Variants in NFIB observed in about 807,000 individuals in gnomAD.
NFIB encodes the protein nuclear factor 1 B-type.
Under a neutral mutation model 61.5 loss-of-function variants are expected in NFIB, and 11 were observed. The observed-to-expected ratio is 0.18, with a 90% CI of 0.11 to 0.30. The LOEUF (loss-of-function observed/expected upper bound fraction) is 0.30, where lower values mean the gene tolerates loss of function less well. Among genes scored for constraint, NFIB ranks in the 10% least tolerant of loss-of-function variants. The pLI, the probability that NFIB is intolerant of heterozygous loss-of-function variation, is 1.00. For synonymous variants in NFIB, 260 were observed against 216.5 expected, an observed-to-expected ratio of 1.20 and a Z score of -1.76; for missense variants, 471 against 608.9, an observed-to-expected ratio of 0.77 and a Z score of 2.38.
intron 2 of NFIB, among the ~76,000 whole-genome samples, chr9:14,295,270 T>G (rs1203467225): frequency 6.6e-6 from 1 of 152,218 alleles, no homozygotes; most frequent in African/African-American, 2.4e-5. Flanking sequence ...AAGGGTCATT[T>G]TTAAATATGA....
intron 10 of NFIB, among the ~76,000 whole-genome samples, chr9:14,089,247 G>A (rs1041221384): frequency 4.0e-5 from 6 of 151,898 alleles, no homozygotes; most frequent in Non-Finnish European, 8.8e-5. Flanking sequence ...CTGCACTTGA[G>A]GAGTTTGGAG....
chr9:14,371,547 G>T (rs190129037), intron 1 of NFIB, among the ~76,000 whole-genome samples: 63 of 152,284 alleles, frequency 4.1e-4, no homozygotes, highest in African/African-American at 1.3e-3. Context: ...AATAAAAAAG[G>T]TTGCAAATTG....
chr9:14,100,507 G>C (rs376693399), intron 10 of NFIB, among the ~76,000 whole-genome samples: 2 of 152,144 alleles, frequency 1.3e-5, no homozygotes, highest in African/African-American at 4.8e-5. Context: ...AGGAGATCGA[G>C]ACCATCCTGG....
At chr9:14,204,023 C>T (rs1236378518) in intron 2 of NFIB, among the ~76,000 whole-genome samples, 1 of 152,148 alleles carries the variant, frequency 6.6e-6, no homozygotes, top group East Asian at 1.9e-4. Context: ...TTCCCATTTG[C>T]AATGGCATGA....
chr9:14,433,115 A>C, the NFIB span, among the ~76,000 whole-genome samples: 15 of 152,264 alleles, frequency 9.9e-5, no homozygotes, highest in African/African-American at 7.2e-5. Context: ...TGGAGCAGTA[A>C]AACCTCATTA....
At chr9:14,294,399 T>C (rs16931533) in intron 2 of NFIB, among the ~76,000 whole-genome samples, 5,277 of 152,328 alleles carry the variant, frequency 0.035, 310 homozygotes, top group African/African-American at 0.12. Context: ...GAACATCAAC[T>C]TTAAATCATA....
intron 2 of NFIB, among the ~76,000 whole-genome samples, chr9:14,298,555 G>A (rs993927236): frequency 1.3e-5 from 2 of 152,092 alleles, no homozygotes; most frequent in Non-Finnish European, 2.9e-5. Flanking sequence ...AAGGAGGGCT[G>A]CAAATTTGTC....
the NFIB span, among the ~76,000 whole-genome samples, chr9:14,512,683 C>T: frequency 1.1e-5 from 1 of 88,002 alleles, no homozygotes; most frequent in Non-Finnish European, 2.8e-5. Context: ...GTCTTGTACT[C>T]TTATTTATAA....
At chr9:14,332,330 C>A (rs1425339315) in intron 1 of NFIB, among the ~76,000 whole-genome samples, 277 of 107,970 alleles carry the variant, frequency 2.6e-3, no homozygotes, top group South Asian at 3.2e-3. Context: ...GAGACTCCGT[C>A]AAAAAAAAAA....
At chr9:14,211,790 T>A (rs2050331977) in intron 2 of NFIB, among the ~76,000 whole-genome samples, 1 of 152,236 alleles carries the variant, frequency 6.6e-6, no homozygotes, top group African/African-American at 2.4e-5. Flanking sequence ...TTGAACAGTA[T>A]AGCATATTGT....
chr9:14,119,696 A>C (rs2038670578), intron 8 of NFIB, among the ~76,000 whole-genome samples: 1 of 152,192 alleles, frequency 6.6e-6, no homozygotes, highest in Non-Finnish European at 1.5e-5. Context: ...ATTACATTAC[A>C]TGTTTTAGAT....
chr9:14,412,799 A>G, the NFIB span, among the ~76,000 whole-genome samples: 1 of 152,190 alleles, frequency 6.6e-6, no homozygotes, highest in Non-Finnish European at 1.5e-5. Flanking sequence ...ACAAAGCAAA[A>G]GTAGGGGTGG....
At chr9:14,178,544 G>A (rs2046410305) in intron 3 of NFIB, among the ~76,000 whole-genome samples, 1 of 151,220 alleles carries the variant, frequency 6.6e-6, no homozygotes, top group African/African-American at 2.4e-5. Flanking sequence ...TATCTTTGAA[G>A]TGTATACTAC....
chr9:14,082,831 C>T lies in NFIB; in HGVS notation c.*5478G>A. The T allele has an allele frequency of 4.9e-6, 1 of 202,952 alleles. No homozygotes were observed. The highest frequency in any genetic ancestry group is 2.3e-5 in the African/African-American group (1 of 43,488). The allele number at this position is 202,952 out of a possible 1,614,324, so 12.6% of individuals were successfully genotyped here. A position where few individuals can be genotyped will look rare whatever the true frequency, so the allele number is the denominator to read the frequency against. ...GCATAAAGAGATATATTTGCCACATCAGTCCCTGTAGCACAGTTTTCAAAA... is the reference window on the plus strand; with the variant it reads ...GCATAAAGAGATATATTTGCCACATTAGTCCCTGTAGCACAGTTTTCAAAA... On this transcript the variant is annotated 3_prime_UTR_variant, in exon 11 of 11. Coordinates refer to ENST00000380953, the MANE Select transcript of NFIB (RefSeq NM_001190737.2).
At chr9:14,372,455 T>G (rs1003688368) in intron 1 of NFIB, among the ~76,000 whole-genome samples, 3 of 152,258 alleles carry the variant, frequency 2.0e-5, no homozygotes, top group Non-Finnish European at 4.4e-5. Flanking sequence ...ATCTCTGTTT[T>G]CTTATCAAGC....
intron 1 of NFIB, among the ~76,000 whole-genome samples, chr9:14,335,654 A>C (rs2060878362): frequency 6.6e-6 from 1 of 152,200 alleles, no homozygotes; most frequent in Non-Finnish European, 1.5e-5. Flanking sequence ...TCAGTCTTCT[A>C]ACAGGTTCTT....
chr9:14,243,229 G>A (rs1471175907), intron 2 of NFIB, among the ~76,000 whole-genome samples: 2 of 152,064 alleles, frequency 1.3e-5, no homozygotes, highest in East Asian at 3.9e-4. Context: ...ATTCCCAGAG[G>A]TTTCTTTATT....
intron 2 of NFIB, among the ~76,000 whole-genome samples, chr9:14,195,812 A>C (rs2048405280): frequency 6.6e-6 from 1 of 152,180 alleles, no homozygotes; most frequent in African/African-American, 2.4e-5. Context: ...AAACACAATG[A>C]CATTGCAAAC....
At chr9:14,376,955 T>C (rs192545488) in intron 1 of NFIB, among the ~76,000 whole-genome samples, 240 of 152,340 alleles carry the variant, frequency 1.6e-3, no homozygotes, top group African/African-American at 5.5e-3. Context: ...CTAGTTTTTC[T>C]TCTCATTTGA....
Sources: gnomAD v4.1 joint callset for allele counts (sites outside exome capture counted in the v4.1 genomes callset) on GRCh38, gnomAD v4.1.1 for gene constraint, MANE v1.5 for transcripts, NCBI Gene and HGNC (gene_info 2026-07-23, HGNC 2026-07-21) for gene names.